Variants in SIRPG observed in about 807,000 individuals in gnomAD.
SIRPG encodes the protein signal regulatory protein gamma.
SIRPG carries 38 observed loss-of-function variants against 35.7 expected under a neutral mutation model. The ratio of observed to expected loss-of-function variants is 1.06; its 90% confidence interval spans 0.82 to 1.40. The LOEUF is 1.40. Ranked by LOEUF, SIRPG falls within the 40% of genes most tolerant of loss-of-function variation. SIRPG has a pLI of 0.00. For synonymous variants in SIRPG, 215 were observed against 190.4 expected (o/e 1.13, Z -1.06); for missense variants, 519 against 483.0 (o/e 1.07, Z -0.70).
chr20:1,682,847 C>T, the SIRPG span, among the ~76,000 whole-genome samples: 26 of 152,250 alleles, frequency 1.7e-4, no homozygotes, highest in African/African-American at 6.0e-4. Flanking sequence ...CAAAAATAGA[C>T]AAATTGAATT....
intron 2 of SIRPG, chr20:1,648,268 C>T (rs776552203): frequency 2.6e-5 from 4 of 152,184 alleles, no homozygotes; most frequent in Admixed American, 6.6e-5. Context: ...CTGAGATGAC[C>T]CAGCTCTGCT....
chr20:1,653,835 G>A (rs1461361825), intron 1 of SIRPG, among the ~76,000 whole-genome samples: 1 of 152,194 alleles, frequency 6.6e-6, no homozygotes, highest in African/African-American at 2.4e-5. Context: ...TTAAAATTCT[G>A]TGTGTGTTTC....
chr20:1,642,014 A>G (rs770879519), intron 2 of SIRPG, among the ~76,000 whole-genome samples: 1 of 152,148 alleles, frequency 6.6e-6, no homozygotes, highest in African/African-American at 2.4e-5. Flanking sequence ...ACTTCCAATT[A>G]TGTGGTTGAT....
intron 1 of SIRPG, among the ~76,000 whole-genome samples, chr20:1,653,970 T>G (rs2091958813): frequency 6.6e-6 from 1 of 152,156 alleles, no homozygotes; most frequent in Non-Finnish European, 1.5e-5. Context: ...CCGGGCATGG[T>G]GGCTCATGCC....
chr20:1,639,834 C>T (rs1216239809), intron 2 of SIRPG, among the ~76,000 whole-genome samples: 1 of 152,180 alleles, frequency 6.6e-6, no homozygotes, highest in Admixed American at 6.5e-5. Context: ...CAGTTTTCTG[C>T]ATATGGCTAA....
rs1349099624 is a variant in SIRPG at position 1,653,281 on chromosome 20, T to C, written c.74-3873A>G. ...TACCAATGAGTGAGCCTGGAGCACT[T>C]TGTGCTTCTGTTTTCTTATCTGTTA... is the stretch of plus-strand genomic sequence containing the variant. On this transcript the variant is annotated intron_variant, in intron 1 of 5. Coordinates refer to ENST00000303415, the MANE Select transcript of SIRPG (RefSeq NM_018556.4). Among the ~76,000 whole-genome samples, 7 of 152,340 alleles carry C rather than the reference T, an allele frequency of 4.6e-5. No homozygotes were observed. The East Asian group carries it at 9.6e-4, about 21-fold the overall frequency.
chr20:1,670,127 T>C, the SIRPG span: 4 of 255,492 alleles, frequency 1.6e-5, no homozygotes, highest in African/African-American at 9.2e-5. Context: ...CACATTTCTG[T>C]TCTCCAACCA....
Position 1,636,296 on chromosome 20 carries a change from C to T in SIRPG, c.640G>A (p.Val214Ile), listed in dbSNP as rs1281713774. ...GAGCGAACGTCCCAGGGGTCCAGTA[C>T]CACCCTGGCTGTGCTGCGGATGCTG... ...AYSIRSTARV[V>I]LDPWDVRSQV... The change falls in exon 3 of 6, where the codon GTA (valine) becomes ATA (isoleucine). Residue 214 changes from valine (V) to isoleucine (I), a missense_variant. Coordinates refer to ENST00000303415, the MANE Select transcript of SIRPG (RefSeq NM_018556.4). The T allele has an allele frequency of 3.1e-6, 5 of 1,614,124 alleles. No individual in the cohort carries two copies. Among genetic ancestry groups the T allele is most frequent in the Non-Finnish European group, 4.2e-6 (5 of 1,180,046 alleles).
intron 1 of SIRPG, among the ~76,000 whole-genome samples, chr20:1,655,382 G>A (rs920051619): frequency 6.6e-6 from 1 of 152,150 alleles, no homozygotes; most frequent in East Asian, 1.9e-4. Flanking sequence ...GCAACAACAT[G>A]GATGAACCTG....
the SIRPG span, chr20:1,671,160 C>G: frequency 2.8e-6 from 1 of 357,654 alleles, no homozygotes; most frequent in Non-Finnish European, 5.8e-6. Context: ...CTGTGGTCCT[C>G]ACTGCAGTGC....
At position 1,644,788 on chromosome 20, in the gene SIRPG, C is replaced by T. The variant is rs527947484; in HGVS notation, c.430+4264G>A. Among the ~76,000 whole-genome samples the T allele has an allele frequency of 3.9e-5, 6 of 152,330 alleles. No individual in the cohort carries two copies. The South Asian group carries it at 1.0e-3, about 26-fold the overall frequency. ...GCAGCTCACTCACCGCCTCCCTTGG[C>T]TGGGGGGTGGGGGCTTCCCTGCCCC... On this transcript the variant is annotated intron_variant, in intron 2 of 5. Coordinates refer to ENST00000303415, the MANE Select transcript of SIRPG (RefSeq NM_018556.4).
intron 4 of SIRPG, among the ~76,000 whole-genome samples, chr20:1,631,039 TTC>T (rs1472833015): frequency 6.6e-6 from 1 of 152,180 alleles, no homozygotes; most frequent in African/African-American, 2.4e-5. Flanking sequence ...TCTGAAATCT[TTC>T]TGTTAGTTGG....
chr20:1,658,456 G>T (rs2091986709), upstream of SIRPG, among the ~76,000 whole-genome samples: 1 of 152,154 alleles, frequency 6.6e-6, no homozygotes, highest in Non-Finnish European at 1.5e-5. Context: ...ATGGTGGGCA[G>T]GTTCCTGGGG....
At chr20:1,682,742 G>A in the SIRPG span, among the ~76,000 whole-genome samples, 1 of 152,184 alleles carries the variant, frequency 6.6e-6, no homozygotes, top group African/African-American at 2.4e-5. Context: ...TTAAATGTAA[G>A]ATCTGAAACT....
chr20:1,634,854 T>A (rs372724569), intron 4 of SIRPG, among the ~76,000 whole-genome samples: 13 of 151,786 alleles, frequency 8.6e-5, no homozygotes, highest in African/African-American at 2.2e-4. Flanking sequence ...CCATCCTGGC[T>A]AACACGGTGA....
At chr20:1,639,594 T>C (rs2091835182) in intron 2 of SIRPG, among the ~76,000 whole-genome samples, 1 of 152,244 alleles carries the variant, frequency 6.6e-6, no homozygotes. Flanking sequence ...TCATGATAGT[T>C]TCTATTCCTG....
chr20:1,645,482 A>T (rs1600215239), intron 2 of SIRPG, among the ~76,000 whole-genome samples: 1 of 151,930 alleles, frequency 6.6e-6, no homozygotes, highest in East Asian at 1.9e-4. Flanking sequence ...TCCACCCCAA[A>T]CCCTATGTAT....
At chr20:1,675,406 G>A in the SIRPG span, among the ~76,000 whole-genome samples, 1 of 152,204 alleles carries the variant, frequency 6.6e-6, no homozygotes, top group Non-Finnish European at 1.5e-5. Context: ...TCTAAAGAGA[G>A]TGTAAAGCCA....
the SIRPG span, among the ~76,000 whole-genome samples, chr20:1,673,124 A>T: frequency 2.0e-5 from 3 of 152,206 alleles, no homozygotes; most frequent in Non-Finnish European, 2.9e-5. Flanking sequence ...TGTACATATT[A>T]ACCTGCTCCC....
Sources: allele counts gnomAD v4.1 joint callset (sites outside exome capture counted in the v4.1 genomes callset), GRCh38; gene constraint gnomAD v4.1.1; transcripts MANE v1.5; gene names NCBI Gene and HGNC (gene_info 2026-07-23, HGNC 2026-07-21).